Variants in SUMF1 observed in about 807,000 individuals in gnomAD.
SUMF1 encodes formylglycine-generating enzyme.
In SUMF1, 48 loss-of-function variants were observed where a neutral mutation model predicts 47.6. That is an observed-to-expected ratio of 1.01 (90% CI 0.80 to 1.28). The LOEUF is 1.28. SUMF1 is among the 50% of genes most tolerant of loss of function. The pLI, the probability that SUMF1 is intolerant of heterozygous loss-of-function variation, is 0.00. For synonymous variants in SUMF1, 230 were observed against 192.1 expected (o/e 1.20, Z -1.63); for missense variants, 571 against 485.4 (o/e 1.18, Z -1.66).
intron 1 of SUMF1, among the ~76,000 whole-genome samples, chr3:4,462,647 T>C (rs1330918328): frequency 6.6e-6 from 1 of 152,204 alleles, no homozygotes; most frequent in Non-Finnish European, 1.5e-5. Flanking sequence ...TTTCCTCTCC[T>C]CAACCTTAAC....
intron 8 of SUMF1, among the ~76,000 whole-genome samples, chr3:4,116,131 C>G (rs1025156510): frequency 3.9e-5 from 6 of 152,042 alleles, no homozygotes; most frequent in Non-Finnish European, 8.8e-5. Flanking sequence ...TAACATCATC[C>G]CCAATGTATA....
At chr3:4,074,844 A>G (rs2125039947) in intron 8 of SUMF1, among the ~76,000 whole-genome samples, 1 of 152,210 alleles carries the variant, frequency 6.6e-6, no homozygotes. Context: ...AAATTGAGGC[A>G]ATAATTAATA....
chr3:4,191,556 G>T (rs915109591), intron 8 of SUMF1, among the ~76,000 whole-genome samples: 1 of 152,128 alleles, frequency 6.6e-6, no homozygotes, highest in Non-Finnish European at 1.5e-5. Flanking sequence ...ATGGCATGGG[G>T]AATGAATTGA....
intron 8 of SUMF1, among the ~76,000 whole-genome samples, chr3:4,090,460 C>T (rs1401103426): frequency 6.6e-6 from 1 of 152,042 alleles, no homozygotes; most frequent in African/African-American, 2.4e-5. Context: ...CACCTTGTAC[C>T]CTGAGCTGCT....
intron 7 of SUMF1, among the ~76,000 whole-genome samples, chr3:4,390,333 G>C (rs1305027925): frequency 6.6e-6 from 1 of 152,114 alleles, no homozygotes; most frequent in East Asian, 1.9e-4. Context: ...GCCTTCTCTG[G>C]CACCTAAATA....
intron 8 of SUMF1, among the ~76,000 whole-genome samples, chr3:4,147,819 T>C (rs1574926652): frequency 6.6e-6 from 1 of 152,114 alleles, no homozygotes; most frequent in Non-Finnish European, 1.5e-5. Context: ...GAGATGGAAA[T>C]AGTCCTATAA....
chr3:4,090,282 T>C (rs191980191), intron 8 of SUMF1, among the ~76,000 whole-genome samples: 273 of 152,236 alleles, frequency 1.8e-3, no homozygotes, highest in Middle Eastern at 3.4e-3. Flanking sequence ...AGCTGACACA[T>C]TCCCCCATGT....
At chr3:4,459,017 T>C (rs1304006312) in intron 1 of SUMF1, among the ~76,000 whole-genome samples, 2 of 151,906 alleles carry the variant, frequency 1.3e-5, no homozygotes, top group East Asian at 3.9e-4. Flanking sequence ...AGTAGAATGG[T>C]GGTTATCAGA....
At chr3:4,155,425 C>T (rs1246274696) in intron 8 of SUMF1, among the ~76,000 whole-genome samples, 1 of 151,570 alleles carries the variant, frequency 6.6e-6, no homozygotes, top group Admixed American at 6.6e-5. Flanking sequence ...CTCCTTTAGG[C>T]ATGCGATGTT....
At chr3:4,159,416 CA>C (rs1479195875) in intron 8 of SUMF1, among the ~76,000 whole-genome samples, 1 of 147,674 alleles carries the variant, frequency 6.8e-6, no homozygotes, top group Non-Finnish European at 1.5e-5. Context: ...AACAAACCAG[CA>C]AAAAAACCAT....
At chr3:4,302,877 C>T (rs527986240) in intron 8 of SUMF1, among the ~76,000 whole-genome samples, 2 of 152,244 alleles carry the variant, frequency 1.3e-5, no homozygotes, top group East Asian at 3.9e-4. Context: ...ATACCTCCAT[C>T]AGGGAGTGAG....
intron 2 of SUMF1, among the ~76,000 whole-genome samples, chr3:4,449,881 T>C (rs556744672): frequency 2.0e-5 from 3 of 152,360 alleles, no homozygotes; most frequent in East Asian, 1.9e-4. Flanking sequence ...ATCCACCTGA[T>C]TATTTTTGTT....
intron 8 of SUMF1, among the ~76,000 whole-genome samples, chr3:4,297,878 A>G (rs2125061279): frequency 6.6e-6 from 1 of 152,322 alleles, no homozygotes; most frequent in South Asian, 2.1e-4. Flanking sequence ...ATACAAAGCC[A>G]TGCAGAACTT....
chr3:4,113,386 AGGCATGGT>A (rs1029393452), intron 8 of SUMF1, among the ~76,000 whole-genome samples: 2 of 151,848 alleles, frequency 1.3e-5, no homozygotes, highest in Admixed American at 1.3e-4. Context: ...AAAATTAGCC[AGGCATGGT>A]GGCTTGCACC....
At chr3:4,456,773 C>CGTGTGTGTTTATATATACGTGTAT in intron 1 of SUMF1, among the ~76,000 whole-genome samples, 1 of 4,062 alleles carries the variant, frequency 2.5e-4, no homozygotes, top group East Asian at 3.8e-3. Flanking sequence ...TATATATACA[C>CGTGTGTGTTTATATATACGTGTAT]ATATATACGT....
chr3:4,109,925 C>T (rs1408244877), intron 8 of SUMF1, among the ~76,000 whole-genome samples: 9 of 152,106 alleles, frequency 5.9e-5, no homozygotes, highest in Non-Finnish European at 8.8e-5. Context: ...TCTCTCAACT[C>T]GTCAAAGTCA....
chr3:4,149,010 C>CAA (rs10624336), intron 8 of SUMF1, among the ~76,000 whole-genome samples: 46,311 of 151,834 alleles, frequency 0.31, 7,257 homozygotes, highest in East Asian at 0.4. Flanking sequence ...TGCCCTGGTA[C>CAA]GAGAGAGACC....
intron 8 of SUMF1, among the ~76,000 whole-genome samples, chr3:4,341,910 A>T (rs1699280799): frequency 6.6e-6 from 1 of 152,160 alleles, no homozygotes; most frequent in African/African-American, 2.4e-5. Flanking sequence ...GTTGCAGCTT[A>T]TTTGTTTATA....
chr3:4,236,323 C>G (rs2124989806), intron 8 of SUMF1, among the ~76,000 whole-genome samples: 1 of 152,040 alleles, frequency 6.6e-6, no homozygotes, highest in Non-Finnish European at 1.5e-5. Context: ...TTTCCCAAAG[C>G]TAAGAAATCA....
Sources: allele counts gnomAD v4.1 joint callset (sites outside exome capture counted in the v4.1 genomes callset), GRCh38; gene constraint gnomAD v4.1.1; transcripts MANE v1.5; gene names NCBI Gene and HGNC (gene_info 2026-07-23, HGNC 2026-07-21).